CHN1: variants seen among roughly 807,000 people sequenced by gnomAD.
The protein encoded by CHN1 is N-chimaerin.
In CHN1, 37 loss-of-function variants were observed where a neutral mutation model predicts 59.5. That is an observed-to-expected ratio of 0.62 (90% CI 0.48 to 0.82). CHN1 has a LOEUF of 0.82. Among genes scored for constraint, CHN1 ranks in the 40% least tolerant of loss-of-function variants. The pLI is 0.00. For synonymous variants in CHN1, 206 were observed against 200.4 expected (o/e 1.03, Z -0.24); for missense variants, 469 against 571.0 (o/e 0.82, Z 1.82).
intron 5 of CHN1, among the ~76,000 whole-genome samples, chr2:174,902,922 T>A (rs1232900683): frequency 1.3e-5 from 2 of 152,204 alleles, no homozygotes; most frequent in African/African-American, 2.4e-5. Flanking sequence ...GAGATTCAAT[T>A]AGGAATTGTT....
At chr2:174,957,806 C>A (rs1690261199) in intron 1 of CHN1, among the ~76,000 whole-genome samples, 1 of 151,978 alleles carries the variant, frequency 6.6e-6, no homozygotes, top group African/African-American at 2.4e-5. Context: ...CAGAAGAGGT[C>A]TAGACCTTGC....
At chr2:174,940,913 G>A (rs1184694200) in intron 3 of CHN1, among the ~76,000 whole-genome samples, 23 of 152,128 alleles carry the variant, frequency 1.5e-4, no homozygotes, top group Non-Finnish European at 2.4e-4. Context: ...AATCATTAGT[G>A]CAAATTAGTG....
chr2:174,840,663 G>C (rs1199252844), intron 7 of CHN1, among the ~76,000 whole-genome samples: 1 of 152,184 alleles, frequency 6.6e-6, no homozygotes, highest in Non-Finnish European at 1.5e-5. Context: ...AACGGAGCTA[G>C]GAAAGCCTGG....
chr2:174,800,227 T>A lies in CHN1; in HGVS notation c.1269A>T (p.Gly423=). ...GTTCTGGAGATCTCATAAGGGTGGG[T>A]CCAAAGACGATTCCAAGGTTCTCTG... ...MNAENLGIVF[G]PTLMRSPELD... is the part of the protein sequence containing the mutation. The change falls in exon 13 of 13, where the codon GGA becomes GGT. Residue 423 remains glycine (G), a synonymous_variant. Transcript: ENST00000409900. 6.7e-7 allele frequency: 1 copy of A among 1,488,368 alleles called. No individual in the cohort carries two copies. Among genetic ancestry groups the A allele is most frequent in the Non-Finnish European group, 8.9e-7 (1 of 1,120,960 alleles). 92.2% of individuals were successfully genotyped at this position (1,488,368 alleles called of 1,614,324 possible).
At chr2:174,854,148 A>G (rs1686828814) in intron 6 of CHN1, among the ~76,000 whole-genome samples, 1 of 152,210 alleles carries the variant, frequency 6.6e-6, no homozygotes, top group Non-Finnish European at 1.5e-5. Flanking sequence ...TGCATTTTAC[A>G]ATAAAGTGTT....
At chr2:175,000,181 C>T (rs1178798831) in intron 1 of CHN1, among the ~76,000 whole-genome samples, 1 of 144,810 alleles carries the variant, frequency 6.9e-6, no homozygotes, top group African/African-American at 2.6e-5. Context: ...CACTCTGTTG[C>T]CCAGGCTAGA....
intron 11 of CHN1, among the ~76,000 whole-genome samples, chr2:174,807,444 A>ATGTG (rs1248242019): frequency 8.9e-5 from 8 of 90,328 alleles, no homozygotes; most frequent in South Asian, 4.1e-4. Flanking sequence ...TTCACGGGCT[A>ATGTG]TCTGTGTGTG....
intron 7 of CHN1, among the ~76,000 whole-genome samples, chr2:174,833,286 CTTGA>C (rs984780375): frequency 1.3e-5 from 2 of 152,122 alleles, no homozygotes; most frequent in African/African-American, 2.4e-5. Context: ...GTTATATCTT[CTTGA>C]TTAATTTTAC....
intron 6 of CHN1, among the ~76,000 whole-genome samples, chr2:174,868,310 T>C (rs894240962): frequency 4.6e-5 from 7 of 152,176 alleles, no homozygotes; most frequent in African/African-American, 1.7e-4. Flanking sequence ...TTCTACTACT[T>C]TGGTACTCTG....
rs1212683001 is a variant in CHN1 at position 175,005,177 on chromosome 2, G to A, written c.-265C>T. The A allele has an allele frequency of 1.6e-6, 2 of 1,267,408 alleles. No individual in the cohort carries two copies. The highest frequency in any genetic ancestry group is 9.9e-7 in the Non-Finnish European group (1 of 1,005,086). The allele number at this position is 1,267,408 out of a possible 1,614,324, so 78.5% of individuals were successfully genotyped here. ...AGCCGGCACTTGTCGCTGCCATCAG[G>A]CGCGGAGCGTGCGCGCGGGAGGAGG... On this transcript the variant is annotated 5_prime_UTR_variant, in exon 1 of 13. Transcript: ENST00000409900.
chr2:174,829,243 C>T (rs957926516), intron 7 of CHN1, among the ~76,000 whole-genome samples: 1 of 152,130 alleles, frequency 6.6e-6, no homozygotes, highest in Admixed American at 6.5e-5. Flanking sequence ...GATTAATTAA[C>T]GGATCCCCAG....
In CHN1 at chr2:174,822,091, A is replaced by G. The variant is rs1237419662; in HGVS notation, c.712+2343T>C. On this transcript the variant is annotated intron_variant, in intron 8 of 12. Coordinates refer to ENST00000409900, the MANE Select transcript of CHN1 (RefSeq NM_001822.7). The stretch of plus-strand genomic sequence containing the variant: ...CCTAAGAATCTCACTGTCAATCCAA[A>G]TATAATTAGTTGTCATAGAAAACAG... 2.0e-5 allele frequency among the ~76,000 whole-genome samples: 3 copies of G among 152,228 alleles called. No homozygotes were observed. In the East Asian group the frequency reaches 5.8e-4, roughly 29 times the overall value.
At chr2:174,969,175 C>T (rs370818352) in intron 1 of CHN1, among the ~76,000 whole-genome samples, 2 of 152,164 alleles carry the variant, frequency 1.3e-5, no homozygotes, top group East Asian at 1.9e-4. Context: ...TACAGCTGAT[C>T]GTGTTAAAAC....
intron 3 of CHN1, among the ~76,000 whole-genome samples, chr2:174,940,315 C>T (rs1159037398): frequency 6.6e-6 from 1 of 152,180 alleles, no homozygotes; most frequent in Non-Finnish European, 1.5e-5. Flanking sequence ...GCGTGAGCCG[C>T]CACGCCCAGC....
At chr2:174,904,189 G>T (rs961086204) in intron 5 of CHN1, among the ~76,000 whole-genome samples, 1 of 151,836 alleles carries the variant, frequency 6.6e-6, no homozygotes, top group African/African-American at 2.4e-5. Context: ...CTTGAACCCG[G>T]GAGGTGGAGG....
intron 7 of CHN1, chr2:174,846,442 G>A (rs1686519438): frequency 2.0e-6 from 3 of 1,529,326 alleles, no homozygotes; most frequent in Non-Finnish European, 2.6e-6. Flanking sequence ...CAGAAACTAT[G>A]AGAAATGCAA....
intron 5 of CHN1, among the ~76,000 whole-genome samples, chr2:174,912,993 G>A (rs1348522259): frequency 6.6e-6 from 1 of 152,174 alleles, no homozygotes; most frequent in Non-Finnish European, 1.5e-5. Flanking sequence ...GATTATAAAT[G>A]TAAAGCCATG....
intron 8 of CHN1, among the ~76,000 whole-genome samples, chr2:174,813,347 G>T (rs1310614277): frequency 2.0e-5 from 3 of 152,176 alleles, no homozygotes; most frequent in African/African-American, 7.2e-5. Context: ...GGGTGTGGAG[G>T]TTCCAGCCCT....
intron 1 of CHN1, among the ~76,000 whole-genome samples, chr2:174,981,648 T>G (rs74749769): frequency 0.065 from 9,932 of 152,312 alleles, 421 homozygotes; most frequent in Non-Finnish European, 0.099. Context: ...TCTGAATACT[T>G]AATTCAATGA....
Sources: gnomAD v4.1 joint callset for allele counts (sites outside exome capture counted in the v4.1 genomes callset) on GRCh38, gnomAD v4.1.1 for gene constraint, MANE v1.5 for transcripts, NCBI Gene and HGNC (gene_info 2026-07-23, HGNC 2026-07-21) for gene names.